GRID2: variants seen among roughly 807,000 people sequenced by gnomAD.
GRID2 encodes glutamate ionotropic receptor delta type subunit 2, also known as glutamate receptor ionotropic, delta-2.
Under a neutral mutation model 114.8 loss-of-function variants are expected in GRID2, and 33 were observed. The ratio of observed to expected loss-of-function variants is 0.29; its 90% confidence interval spans 0.22 to 0.38. The LOEUF (loss-of-function observed/expected upper bound fraction) is 0.38, where lower values mean the gene tolerates loss of function less well. GRID2 is among the 10% of genes least tolerant of loss of function. GRID2 has a pLI of 1.00. For missense variants in GRID2, 1,184 were observed against 1,257.7 expected, an observed-to-expected ratio of 0.94 and a Z score of 0.89; for synonymous variants, 505 against 449.9, an observed-to-expected ratio of 1.12 and a Z score of -1.55.
intron 13 of GRID2, among the ~76,000 whole-genome samples, chr4:93,605,632 A>T (rs1446872992): frequency 1.3e-5 from 2 of 152,206 alleles, no homozygotes; most frequent in African/African-American, 4.8e-5. Flanking sequence ...CGAGAAAGAA[A>T]GAAAGTGAAT....
chr4:92,543,990 A>G (rs1726111040), intron 1 of GRID2, among the ~76,000 whole-genome samples: 1 of 152,172 alleles, frequency 6.6e-6, no homozygotes, highest in Non-Finnish European at 1.5e-5. Flanking sequence ...TAGCTTGACA[A>G]AGAACATGGT....
At chr4:93,487,553 T>G (rs996711694) in intron 11 of GRID2, among the ~76,000 whole-genome samples, 2 of 151,890 alleles carry the variant, frequency 1.3e-5, no homozygotes, top group African/African-American at 4.8e-5. Flanking sequence ...TTATGCTCAT[T>G]TGGGGATTTT....
rs564119119 is a variant in GRID2, at chr4:93,783,276, TAAAAC to T, written c.221+13836_221+13840del. 4.4e-3 allele frequency among the ~76,000 whole-genome samples: 670 copies of T among 152,324 alleles called. 3 individuals are homozygous for T. Among genetic ancestry groups the T allele is most frequent in the Non-Finnish European group, 6.8e-3 (466 of 68,030 alleles). On this transcript the variant is annotated intron_variant, in intron 1 of 1. Coordinates refer to the GRID2 transcript ENST00000637838. Reference sequence around the variant, plus strand: ...TATTGTTGACACTAATTTAGCAGATTAAAACAAAACAAAAGTAAAACTCTGGAAAG... The same window carrying T: ...TATTGTTGACACTAATTTAGCAGATTAAAACAAAAGTAAAACTCTGGAAAG...
intron 8 of GRID2, among the ~76,000 whole-genome samples, chr4:93,318,425 A>G (rs779505879): frequency 6.6e-6 from 1 of 152,074 alleles, no homozygotes; most frequent in African/African-American, 2.4e-5. Flanking sequence ...GTAGACTTGA[A>G]ATTGATATTA....
At chr4:93,139,747 C>CACAA (rs1488209517) in intron 4 of GRID2, among the ~76,000 whole-genome samples, 1 of 151,820 alleles carries the variant, frequency 6.6e-6, no homozygotes, top group Non-Finnish European at 1.5e-5. Context: ...CACACACACA[C>CACAA]ACACACACAC....
At chr4:92,441,694 G>A (rs891876124) in intron 1 of GRID2, among the ~76,000 whole-genome samples, 2 of 152,050 alleles carry the variant, frequency 1.3e-5, no homozygotes, top group Admixed American at 1.3e-4. Flanking sequence ...TTTAAAGCGT[G>A]CTGAGGGATG....
intron 8 of GRID2, chr4:93,318,484 T>C (rs1756909087): frequency 6.6e-6 from 1 of 152,090 alleles, no homozygotes; most frequent in Non-Finnish European, 1.5e-5. Context: ...TTTAGGCTAC[T>C]TAAAGCAAAA....
At chr4:93,753,690 G>A (rs1420032269) in intron 14 of GRID2, among the ~76,000 whole-genome samples, 1 of 152,166 alleles carries the variant, frequency 6.6e-6, no homozygotes, top group Non-Finnish European at 1.5e-5. Context: ...TTTTATGGCT[G>A]CATAGTATTC....
chr4:92,628,650 G>T (rs777666720), intron 2 of GRID2, among the ~76,000 whole-genome samples: 2 of 152,102 alleles, frequency 1.3e-5, no homozygotes, highest in Non-Finnish European at 2.9e-5. Context: ...GAGCCATAGC[G>T]CCAGGCCCCA....
chr4:92,594,195 C>A (rs563038558), intron 2 of GRID2, among the ~76,000 whole-genome samples: 2 of 151,780 alleles, frequency 1.3e-5, no homozygotes, highest in East Asian at 1.9e-4. Flanking sequence ...CATGAGATAG[C>A]ACAATGTATT....
At chr4:92,628,567 A>G (rs373111880) in intron 2 of GRID2, among the ~76,000 whole-genome samples, 12 of 152,278 alleles carry the variant, frequency 7.9e-5, no homozygotes, top group African/African-American at 2.9e-4. Context: ...CGTGTTGCCC[A>G]GGCTGGTCTC....
chr4:93,113,532 C>T (rs3843409), intron 4 of GRID2, among the ~76,000 whole-genome samples: 78,013 of 152,052 alleles, frequency 0.51, 21,807 homozygotes, highest in African/African-American at 0.71. Context: ...TACTAGTTCA[C>T]TGGTTTTCCA....
intron 10 of GRID2, among the ~76,000 whole-genome samples, chr4:93,425,027 T>G (rs547260746): frequency 1.3e-5 from 2 of 152,304 alleles, no homozygotes; most frequent in African/African-American, 2.4e-5. Flanking sequence ...TAATTTTTAC[T>G]TTTCTGCTGA....
intron 1 of GRID2, among the ~76,000 whole-genome samples, chr4:92,524,895 C>T (rs753337440): frequency 2.1e-4 from 32 of 151,910 alleles, no homozygotes; most frequent in Non-Finnish European, 3.2e-4. Flanking sequence ...GGAAATTATA[C>T]GAATTTGTAC....
intron 14 of GRID2, among the ~76,000 whole-genome samples, chr4:93,699,268 A>G (rs1198180891): frequency 6.6e-6 from 1 of 152,122 alleles, no homozygotes; most frequent in Non-Finnish European, 1.5e-5. Context: ...AAGTAAAGAC[A>G]ATTGAACAGA....
At chr4:92,623,290 A>G (rs62307912) in intron 2 of GRID2, among the ~76,000 whole-genome samples, 7,114 of 151,574 alleles carry the variant, frequency 0.047, 208 homozygotes, top group East Asian at 0.094. Flanking sequence ...TGAACTATAA[A>G]TAAATAAATC....
chr4:92,413,134 G>A (rs1731421708), intron 1 of GRID2, among the ~76,000 whole-genome samples: 1 of 152,130 alleles, frequency 6.6e-6, no homozygotes, highest in Non-Finnish European at 1.5e-5. Context: ...GGCTTTCAGT[G>A]TAACCATCAC....
At chr4:92,706,564 G>C (rs1193641626) in intron 2 of GRID2, among the ~76,000 whole-genome samples, 1 of 151,998 alleles carries the variant, frequency 6.6e-6, no homozygotes. Flanking sequence ...GGGGTGTTTT[G>C]GTTATATGTG....
At chr4:92,907,948 G>A (rs748995921) in intron 2 of GRID2, among the ~76,000 whole-genome samples, 16 of 151,968 alleles carry the variant, frequency 1.1e-4, no homozygotes, top group East Asian at 2.0e-4. Flanking sequence ...GCTTGAATCC[G>A]GGAGGCAGAG....
Sources: allele counts gnomAD v4.1 joint callset (sites outside exome capture counted in the v4.1 genomes callset), GRCh38; gene constraint gnomAD v4.1.1; transcripts MANE v1.5; gene names NCBI Gene and HGNC (gene_info 2026-07-23, HGNC 2026-07-21).